The following SAMD3 variants were observed in gnomAD, a reference collection of about 807,000 sequenced individuals.
The protein encoded by SAMD3 is sterile alpha motif domain-containing protein 3.
In SAMD3, 63 loss-of-function variants were observed where a neutral mutation model predicts 58.5. The ratio of observed to expected loss-of-function variants is 1.08; its 90% CI spans 0.88 to 1.33. The LOEUF (loss-of-function observed/expected upper bound fraction) is 1.33, where lower values mean the gene tolerates loss of function less well. SAMD3 is among the 40% of genes most tolerant of loss of function. SAMD3 has a pLI of 0.00. For synonymous variants in SAMD3, 220 were observed against 210.3 expected (o/e 1.05, Z -0.40); for missense variants, 604 against 608.4 (o/e 0.99, Z 0.08).
intron 8 of SAMD3, among the ~76,000 whole-genome samples, chr6:130,166,148 G>C (rs551365069): frequency 2.7e-4 from 41 of 152,268 alleles, no homozygotes; most frequent in African/African-American, 9.4e-4. Flanking sequence ...CACAGCCCAG[G>C]ATGTCATTCT....
intron 5 of SAMD3, among the ~76,000 whole-genome samples, chr6:130,189,104 A>C (rs77963673): frequency 8.3e-5 from 1 of 12,068 alleles, no homozygotes; most frequent in Admixed American, 9.4e-4. Flanking sequence ...TAAAAAAACC[A>C]AAAAAAAAAA....
At chr6:130,156,243 CAT>C (rs1789765602) in intron 8 of SAMD3, among the ~76,000 whole-genome samples, 1 of 151,766 alleles carries the variant, frequency 6.6e-6, no homozygotes, top group Non-Finnish European at 1.5e-5. Context: ...GAGGCTGAGG[CAT>C]GAGAATTGCT....
chr6:130,301,555 A>G (rs1040990414), intron 2 of SAMD3, among the ~76,000 whole-genome samples: 2 of 152,130 alleles, frequency 1.3e-5, no homozygotes, highest in Admixed American at 1.3e-4. Flanking sequence ...TACCAATGCC[A>G]TTTTTTCACA....
At chr6:130,184,888 A>C (rs961394275) in intron 5 of SAMD3, among the ~76,000 whole-genome samples, 10 of 152,252 alleles carry the variant, frequency 6.6e-5, no homozygotes, top group African/African-American at 2.4e-4. Flanking sequence ...CCTGAAGTTG[A>C]AATGCATACT....
At chr6:130,283,394 C>G (rs920074582) in intron 2 of SAMD3, among the ~76,000 whole-genome samples, 56 of 152,046 alleles carry the variant, frequency 3.7e-4, no homozygotes, top group African/African-American at 1.3e-3. Context: ...TAGATTAAGG[C>G]AACATTATAA....
intron 2 of SAMD3, among the ~76,000 whole-genome samples, chr6:130,283,929 C>T (rs926414509): frequency 9.2e-5 from 14 of 152,188 alleles, no homozygotes; most frequent in African/African-American, 3.1e-4. Context: ...ACAACCTCTG[C>T]CTCCCAGGTT....
chr6:130,183,368 A>C (rs1792583323), intron 7 of SAMD3: 1 of 450,114 alleles, frequency 2.2e-6, no homozygotes, highest in African/African-American at 2.0e-5. Context: ...AAAAAAAAGA[A>C]CTGCTGCCCC....
intron 2 of SAMD3, among the ~76,000 whole-genome samples, chr6:130,253,859 G>A (rs2114913110): frequency 6.6e-6 from 1 of 151,848 alleles, no homozygotes; most frequent in Non-Finnish European, 1.5e-5. Context: ...CTCTCCTCCT[G>A]TTATTAGTGT....
intron 7 of SAMD3, among the ~76,000 whole-genome samples, chr6:130,179,265 C>T (rs1387870526): frequency 6.6e-6 from 1 of 152,132 alleles, no homozygotes; most frequent in East Asian, 1.9e-4. Flanking sequence ...CTGCTATATG[C>T]CTGACACCAT....
intron 8 of SAMD3, among the ~76,000 whole-genome samples, chr6:130,166,449 A>G (rs1790743620): frequency 6.6e-6 from 1 of 152,232 alleles, no homozygotes; most frequent in Admixed American, 6.5e-5. Flanking sequence ...GTTACAAAAC[A>G]GCCCATTTTC....
intron 7 of SAMD3, 72 bp from the exon 8 acceptor site, chr6:130,176,080 A>G (rs749672402): frequency 8.6e-6 from 10 of 1,167,018 alleles, no homozygotes; most frequent in Non-Finnish European, 1.3e-5. Flanking sequence ...ACGTCTATAC[A>G]ACAACAATAC....
At chr6:130,179,810 CTTTTTTTT>C (rs71028199) in intron 7 of SAMD3, among the ~76,000 whole-genome samples, 44 of 116,242 alleles carry the variant, frequency 3.8e-4, no homozygotes, top group African/African-American at 1.4e-3. Flanking sequence ...TGTCCTTATT[CTTTTTTTT>C]TTTTTTTTTT....
intron 1 of SAMD3, among the ~76,000 whole-genome samples, chr6:130,361,721 C>T (rs573939337): frequency 6.6e-6 from 1 of 152,218 alleles, no homozygotes; most frequent in East Asian, 1.9e-4. Flanking sequence ...TGTGGTTGTA[C>T]TGTTTTGATT....
intron 10 of SAMD3, 139 bp from the exon 11 acceptor site, chr6:130,145,561 CT>C: frequency 1.8e-6 from 1 of 557,138 alleles, no homozygotes; most frequent in East Asian, 2.9e-5. Context: ...TGTTTCACAC[CT>C]TTTTAAACCA....
intron 2 of SAMD3, among the ~76,000 whole-genome samples, chr6:130,308,091 T>C (rs1775969245): frequency 6.6e-6 from 1 of 152,200 alleles, no homozygotes; most frequent in Non-Finnish European, 1.5e-5. Context: ...CACATTCTGA[T>C]GCACATTTGG....
intron 1 of SAMD3, among the ~76,000 whole-genome samples, chr6:130,341,620 T>C (rs12209659): frequency 0.13 from 20,036 of 152,176 alleles, 1,696 homozygotes; most frequent in East Asian, 0.36. Context: ...ACTTTGACAA[T>C]GAGGAGTGGC....
chr6:130,227,372 A>G (rs907299888), upstream of SAMD3, among the ~76,000 whole-genome samples: 6 of 152,190 alleles, frequency 3.9e-5, no homozygotes, highest in Non-Finnish European at 7.3e-5. Context: ...TTCACTTGAC[A>G]GTGGACATTT....
intron 9 of SAMD3, among the ~76,000 whole-genome samples, chr6:130,150,878 AT>A (rs1241256086): frequency 1.3e-5 from 2 of 151,498 alleles, no homozygotes; most frequent in African/African-American, 4.9e-5. Context: ...CACCCGGCTA[AT>A]TTTTGTATTT....
At chr6:130,306,700 A>G (rs914038800) in intron 2 of SAMD3, among the ~76,000 whole-genome samples, 2 of 152,238 alleles carry the variant, frequency 1.3e-5, no homozygotes, top group African/African-American at 4.8e-5. Context: ...AGATAAGTGT[A>G]TACAGGGCAA....
Sources: allele counts gnomAD v4.1 joint callset (sites outside exome capture counted in the v4.1 genomes callset), GRCh38; gene constraint gnomAD v4.1.1; transcripts MANE v1.5; gene names NCBI Gene and HGNC (gene_info 2026-07-23, HGNC 2026-07-21).